The following USP25 variants were observed in gnomAD, a reference collection of about 807,000 sequenced individuals.
USP25 encodes ubiquitin specific peptidase 25, also known as ubiquitin carboxyl-terminal hydrolase 25.
USP25 carries 85 observed loss-of-function variants against 158.5 expected under a neutral mutation model. That is an observed-to-expected ratio of 0.54 (90% CI 0.45 to 0.64). The LOEUF is 0.64. Ranked by LOEUF, USP25 falls within the 30% of genes least tolerant of loss-of-function variation. The pLI, the probability that USP25 is intolerant of heterozygous loss-of-function variation, is 0.00. For missense variants in USP25, 1,242 were observed against 1,327.3 expected, an observed-to-expected ratio of 0.94 and a Z score of 1.00; for synonymous variants, 464 against 460.4, an observed-to-expected ratio of 1.01 and a Z score of -0.10.
At chr21:15,743,084 A>C (rs2032211627) in intron 1 of USP25, among the ~76,000 whole-genome samples, 1 of 152,238 alleles carries the variant, frequency 6.6e-6, no homozygotes, top group Admixed American at 6.5e-5. Flanking sequence ...CCTGCCGCTC[A>C]CAGCTCCCTG....
chr21:15,733,716 C>G (rs1568737507), intron 1 of USP25, among the ~76,000 whole-genome samples: 1 of 152,144 alleles, frequency 6.6e-6, no homozygotes, highest in Non-Finnish European at 1.5e-5. Flanking sequence ...GTGGCACATG[C>G]CTGTAATCCC....
chr21:15,863,721 G>A (rs927832864), intron 20 of USP25, among the ~76,000 whole-genome samples: 1 of 152,176 alleles, frequency 6.6e-6, no homozygotes, highest in East Asian at 1.9e-4. Context: ...CAAAAAGAAC[G>A]TTTATATAGT....
intron 6 of USP25, among the ~76,000 whole-genome samples, chr21:15,801,282 C>G (rs1012893416): frequency 6.6e-6 from 1 of 151,468 alleles, no homozygotes; most frequent in Non-Finnish European, 1.5e-5. Context: ...ATTTAAAAAA[C>G]AGTTGCTATA....
At chr21:15,750,190 G>T (rs941327902) in intron 1 of USP25, among the ~76,000 whole-genome samples, 8 of 141,566 alleles carry the variant, frequency 5.7e-5, no homozygotes, top group Non-Finnish European at 1.2e-4. Flanking sequence ...CCGTGTGTGT[G>T]TGTGTGTGTG....
At chr21:15,868,341 G>A (rs2039743932) in intron 22 of USP25, among the ~76,000 whole-genome samples, 1 of 152,106 alleles carries the variant, frequency 6.6e-6, no homozygotes, top group Non-Finnish European at 1.5e-5. Context: ...TCATCTTTTA[G>A]CTAATAATGA....
Position 15,842,505 on chromosome 21 carries a change from C to T in USP25, c.2302C>T (p.His768Tyr). Residue 768 changes from histidine to tyrosine, a missense_variant, in exon 18 of 26, where the codon CAT becomes TAT. Around this residue, in one of 3 missense-constraint regions of USP25, gnomAD observed 608 missense variants for 605.2 expected, o/e 1.00. Transcript: ENST00000400183. ...IQIITKASHEHEDKSPETVLQ... is the reference protein window; with the variant it reads ...IQIITKASHEYEDKSPETVLQ... ...AATAATTACCAAGGCATCACATGAG[C>T]ATGAAGATAAAAGTCCTGAAACAGT... The T allele has an allele frequency of 6.2e-7, 1 of 1,613,646 alleles. No individual in the cohort carries two copies. The highest frequency in any genetic ancestry group is 8.5e-7 in the Non-Finnish European group (1 of 1,179,698).
intron 11 of USP25, among the ~76,000 whole-genome samples, chr21:15,824,764 C>G (rs2037413299): frequency 6.6e-6 from 1 of 152,088 alleles, no homozygotes; most frequent in Non-Finnish European, 1.5e-5. Flanking sequence ...TTACAGACAC[C>G]CACCATCGTG....
chr21:15,743,927 T>C (rs1191807553), intron 1 of USP25: 1 of 155,568 alleles, frequency 6.4e-6, no homozygotes, highest in Non-Finnish European at 1.5e-5. Context: ...GGTAGCATCA[T>C]GCAGATTTGC....
At chr21:15,855,831 G>A (rs8133079) in intron 20 of USP25, among the ~76,000 whole-genome samples, 11,562 of 152,178 alleles carry the variant, frequency 0.076, 507 homozygotes, top group East Asian at 0.099. Context: ...CAGTCTGTCC[G>A]TACCCAAAAG....
In USP25 at chr21:15,835,886, A is replaced by T. The variant is rs1568869843; in HGVS notation, c.2194+2338A>T. 2.6e-5 allele frequency among the ~76,000 whole-genome samples: 4 copies of T among 152,214 alleles called. No individual in the cohort carries two copies. The South Asian group carries it at 8.3e-4, about 32-fold the overall frequency. ...TTCTATTACTGTTATCTTTGAGATT[A>T]TATTAAGAAATTTGTTCTCTGTTGC... On this transcript the variant is annotated intron_variant, in intron 17 of 25. Transcript: ENST00000400183.
intron 10 of USP25, among the ~76,000 whole-genome samples, chr21:15,819,471 G>A (rs1299713391): frequency 1.3e-5 from 2 of 152,126 alleles, no homozygotes; most frequent in African/African-American, 4.8e-5. Flanking sequence ...GTAATAGTAA[G>A]CAAAGGACAT....
intron 1 of USP25, among the ~76,000 whole-genome samples, chr21:15,752,184 C>T (rs574734155): frequency 1.7e-4 from 26 of 151,684 alleles, no homozygotes; most frequent in African/African-American, 6.1e-4. Flanking sequence ...CTGCCTGCCT[C>T]GGCCTCGCAA....
At chr21:15,751,713 A>C (rs927173133) in intron 1 of USP25, among the ~76,000 whole-genome samples, 24 of 152,228 alleles carry the variant, frequency 1.6e-4, no homozygotes, top group African/African-American at 5.8e-4. Context: ...GTGTTCCAAA[A>C]GATTTTGCAA....
At position 15,843,740 on chromosome 21, in the gene USP25, A is replaced by T. The variant is rs1194984817; in HGVS notation, c.2337+1200A>T. Among the ~76,000 whole-genome samples the T allele has an allele frequency of 2.6e-5, 4 of 152,238 alleles. No homozygotes were observed. Among genetic ancestry groups the T allele is most frequent in the South Asian group, 4.1e-4 (2 of 4,830 alleles). On this transcript the variant is annotated intron_variant, in intron 18 of 25. Coordinates refer to ENST00000400183, the MANE Select transcript of USP25 (RefSeq NM_001283041.3). This position sits in a 1 kb window ranked among gnomAD's most constrained non-coding sequence, Gnocchi z 4.0. ...TGATGGTAAGAGGAAAACCTAGGGAAGGAGAAAGAACAGAGGAGTAGGTAC... is the reference window on the plus strand; with the variant it reads ...TGATGGTAAGAGGAAAACCTAGGGATGGAGAAAGAACAGAGGAGTAGGTAC...
chr21:15,827,843 TTTA>T (rs1215487916), intron 14 of USP25, among the ~76,000 whole-genome samples: 1 of 151,408 alleles, frequency 6.6e-6, no homozygotes, highest in Non-Finnish European at 1.5e-5. Flanking sequence ...GGAACTCTCT[TTTA>T]TTCTTTTCTA....
At chr21:15,869,989 G>T (rs769659987) in intron 22 of USP25, 79 bp from the exon 23 acceptor site, 1 of 1,032,684 alleles carries the variant, frequency 9.7e-7, no homozygotes, top group Non-Finnish European at 1.4e-6. Flanking sequence ...TAGCGAAACA[G>T]TGCATTACTT....
In USP25 at chr21:15,875,077, C is replaced by T. The variant is rs924744208; in HGVS notation, c.3009+551C>T. Among the ~76,000 whole-genome samples, 1 of 152,082 alleles carries T rather than the reference C, an allele frequency of 6.6e-6. No homozygotes were observed. The highest frequency in any genetic ancestry group is 1.5e-5 in the Non-Finnish European group (1 of 67,998). On this transcript the variant is annotated intron_variant, in intron 24 of 25. Coordinates refer to ENST00000400183, the MANE Select transcript of USP25 (RefSeq NM_001283041.3). The surrounding 1 kb of genome is among the most constrained non-coding windows in gnomAD (Gnocchi z 4.7). Reference sequence around the variant, plus strand: ...GTCTCAACTACTCAGGAGGCTGAGGCAGGGGAATCGCATGAACCTGGGAAG... The same window carrying T: ...GTCTCAACTACTCAGGAGGCTGAGGTAGGGGAATCGCATGAACCTGGGAAG...
intron 20 of USP25, among the ~76,000 whole-genome samples, chr21:15,859,917 T>G (rs1016299774): frequency 3.9e-4 from 58 of 149,478 alleles, no homozygotes; most frequent in South Asian, 2.1e-4. Flanking sequence ...CTTTATATTT[T>G]ATTTTTCTAA....
chr21:15,825,620 C>T (rs997051469), intron 12 of USP25, among the ~76,000 whole-genome samples: 1 of 152,122 alleles, frequency 6.6e-6, no homozygotes, highest in African/African-American at 2.4e-5. Flanking sequence ...ACGTCAGAAT[C>T]TGGACTGAGA....
Sources: gnomAD v4.1 joint callset for allele counts (sites outside exome capture counted in the v4.1 genomes callset) on GRCh38, gnomAD v4.1.1 for gene constraint, gnomAD v4.1.1 regional missense constraint, Gnocchi (gnomAD v3.1) non-coding constraint, MANE v1.5 for transcripts, NCBI Gene and HGNC (gene_info 2026-07-23, HGNC 2026-07-21) for gene names.